The following SLIT3 variants were observed in gnomAD, a reference collection of about 807,000 sequenced individuals.
The protein encoded by SLIT3 is slit homolog 3 protein.
Under a neutral mutation model 184.0 loss-of-function variants are expected in SLIT3, and 68 were observed. The ratio of observed to expected loss-of-function variants is 0.37; its 90% CI spans 0.30 to 0.45. The LOEUF is 0.45. SLIT3 is among the 20% of genes least tolerant of loss of function. The pLI is 1.00. For missense variants in SLIT3, 1,707 were observed against 2,026.0 expected, an observed-to-expected ratio of 0.84 and a Z score of 3.02; for synonymous variants, 831 against 828.6, an observed-to-expected ratio of 1.00 and a Z score of -0.05.
intron 6 of SLIT3, among the ~76,000 whole-genome samples, chr5:168,829,988 A>G (rs1375851004): frequency 6.6e-6 from 1 of 152,176 alleles, no homozygotes; most frequent in African/African-American, 2.4e-5. Flanking sequence ...CTCACAGGTC[A>G]AAGCAAGCCA....
intron 4 of SLIT3, among the ~76,000 whole-genome samples, chr5:168,901,092 G>A (rs774622602): frequency 2.6e-5 from 4 of 152,224 alleles, no homozygotes; most frequent in African/African-American, 4.8e-5. Context: ...GCCAGGCACA[G>A]TGGCTCACAT....
At chr5:168,779,051 G>T (rs1755872537) in intron 12 of SLIT3, among the ~76,000 whole-genome samples, 1 of 152,224 alleles carries the variant, frequency 6.6e-6, no homozygotes, top group African/African-American at 2.4e-5. Flanking sequence ...AACAGCAGGG[G>T]CCACATGGCC....
chr5:169,273,660 C>T (rs187796839), intron 1 of SLIT3, among the ~76,000 whole-genome samples: 11 of 152,266 alleles, frequency 7.2e-5, no homozygotes, highest in African/African-American at 2.6e-4. Context: ...AGGTGAACGG[C>T]AAGTCTTGGA....
At chr5:169,037,570 A>G (rs1757300509) in intron 4 of SLIT3, 1 of 152,246 alleles carries the variant, frequency 6.6e-6, no homozygotes, top group Admixed American at 6.5e-5. Context: ...GTCTCGTGTA[A>G]TTGGACGTGT....
At chr5:169,299,131 G>T (rs985480488) in intron 1 of SLIT3, among the ~76,000 whole-genome samples, 1 of 152,130 alleles carries the variant, frequency 6.6e-6, no homozygotes, top group Admixed American at 6.5e-5. Context: ...TTCCAAGCCT[G>T]GTTTTCGACA....
At position 168,757,042 on chromosome 5, in the gene SLIT3, C is replaced by T. The variant is rs1356624204; in HGVS notation, c.1686-3035G>A. On this transcript the variant is annotated intron_variant, in intron 16 of 35. Coordinates refer to ENST00000519560, the MANE Select transcript of SLIT3 (RefSeq NM_003062.4). ...TCTCTACATCCATCAAAGCACTGCT[C>T]GCAACTACAGGCAGCAGTAGCTGAA... Among the ~76,000 whole-genome samples the T allele has an allele frequency of 3.3e-5, 5 of 152,174 alleles. No homozygotes were observed. In the East Asian group the frequency reaches 7.7e-4, roughly 23 times the overall value.
At chr5:168,970,515 A>AC (rs397695601) in intron 4 of SLIT3, among the ~76,000 whole-genome samples, 5,772 of 151,226 alleles carry the variant, frequency 0.038, 151 homozygotes, top group Middle Eastern at 0.058. Context: ...AAAAAAAAAA[A>AC]CAAAGACAAA....
chr5:169,160,338 A>G (rs1762437488), intron 4 of SLIT3, among the ~76,000 whole-genome samples: 1 of 152,204 alleles, frequency 6.6e-6, no homozygotes, highest in East Asian at 1.9e-4. Context: ...CCCAGTGTGA[A>G]CCTCACTTGT....
chr5:168,912,327 T>C (rs1329214113), intron 4 of SLIT3, among the ~76,000 whole-genome samples: 1 of 152,226 alleles, frequency 6.6e-6, no homozygotes. Flanking sequence ...CCTTAATAGT[T>C]AAGTTTTGGG....
At chr5:169,141,389 CAG>C (rs932747293) in intron 4 of SLIT3, among the ~76,000 whole-genome samples, 9 of 151,872 alleles carry the variant, frequency 5.9e-5, no homozygotes, top group Non-Finnish European at 1.3e-4. Flanking sequence ...CCTGAGACCT[CAG>C]AGACTGTAAG....
At chr5:168,873,139 C>T (rs748179706) in intron 5 of SLIT3, among the ~76,000 whole-genome samples, 15 of 152,240 alleles carry the variant, frequency 9.9e-5, no homozygotes, top group African/African-American at 3.1e-4. Flanking sequence ...GGGTTTTTCC[C>T]GGCCAATCTC....
intron 32 of SLIT3, among the ~76,000 whole-genome samples, chr5:168,676,701 G>A (rs900608027): frequency 1.4e-5 from 2 of 145,958 alleles, no homozygotes; most frequent in African/African-American, 5.3e-5. Flanking sequence ...ATGCAAATGA[G>A]CTCACCACCC....
chr5:168,759,377 G>T (rs1351438289), intron 16 of SLIT3, among the ~76,000 whole-genome samples: 4 of 152,078 alleles, frequency 2.6e-5, no homozygotes, highest in Non-Finnish European at 4.4e-5. Context: ...CCATAATGTT[G>T]AACTCATGGC....
At chr5:169,114,641 A>G (rs1030556050) in intron 4 of SLIT3, among the ~76,000 whole-genome samples, 2 of 152,222 alleles carry the variant, frequency 1.3e-5, no homozygotes, top group Non-Finnish European at 2.9e-5. Context: ...CCAGTGGTGC[A>G]GGCTGGGAGG....
At chr5:169,299,639 T>A (rs1411003574) in intron 1 of SLIT3, among the ~76,000 whole-genome samples, 1 of 151,992 alleles carries the variant, frequency 6.6e-6, no homozygotes, top group Non-Finnish European at 1.5e-5. Flanking sequence ...AAGTTTTGAA[T>A]CTGGTCCGAG....
intron 32 of SLIT3, among the ~76,000 whole-genome samples, chr5:168,683,016 C>G (rs1192785064): frequency 6.6e-6 from 1 of 152,140 alleles, no homozygotes; most frequent in African/African-American, 2.4e-5. Flanking sequence ...ACATATCCAA[C>G]TAACATATCT....
chr5:168,710,962 G>A lies in SLIT3; in HGVS notation c.2652C>T (p.Cys884=), dbSNP rs1762538213. 4 of 1,565,682 alleles carry A rather than the reference G, an allele frequency of 2.6e-6. No individual in the cohort carries two copies. Among genetic ancestry groups the A allele is most frequent in the Admixed American group, 1.9e-5 (1 of 52,370 alleles). ...AGYKEPGIAR[C]SSPEPMADRL... is the part of the protein sequence containing the mutation. The stretch of plus-strand genomic sequence containing the variant: ...TGTCAGCCATGGGCTCAGGGCTACT[G>A]CAGCGGGCGATGCCAGGCTCCTTGT... The change falls in exon 25 of 36, where the codon TGC becomes TGT. Residue 884 remains cysteine (C), a synonymous_variant. Transcript: ENST00000519560.
intron 16 of SLIT3, among the ~76,000 whole-genome samples, chr5:168,755,389 A>ATTTCTTTCTTTCTTTCTTTCTTTCTTTCT (rs1754862482): frequency 7.5e-6 from 1 of 133,640 alleles, no homozygotes; most frequent in African/African-American, 2.6e-5. Context: ...CAGTGCCGCC[A>ATTTCTTTCTTTCTTTCTTTCTTTCTTTCT]TTTCTTTCTT....
chr5:168,793,800 T>TGGG (rs11323030), intron 10 of SLIT3, among the ~76,000 whole-genome samples: 3 of 149,126 alleles, frequency 2.0e-5, no homozygotes, highest in African/African-American at 7.4e-5. Context: ...AAAAATGAAT[T>TGGG]GGGGGGGGGG....
Sources: gnomAD v4.1 joint callset for allele counts (sites outside exome capture counted in the v4.1 genomes callset) on GRCh38, gnomAD v4.1.1 for gene constraint, MANE v1.5 for transcripts, NCBI Gene and HGNC (gene_info 2026-07-23, HGNC 2026-07-21) for gene names.